The following PTPRC variants were observed in gnomAD, a reference collection of about 807,000 sequenced individuals.
PTPRC encodes the protein receptor-type tyrosine-protein phosphatase C.
In PTPRC, 44 loss-of-function variants were observed where a neutral mutation model predicts 155.9. That is an observed-to-expected ratio of 0.28 (90% CI 0.22 to 0.36). PTPRC has a LOEUF of 0.36. Among genes scored for constraint, PTPRC ranks in the 10% least tolerant of loss-of-function variants. The pLI is 1.00. For missense variants in PTPRC, 1,401 were observed against 1,564.6 expected, an observed-to-expected ratio of 0.90 and a Z score of 1.76; for synonymous variants, 525 against 533.1, an observed-to-expected ratio of 0.98 and a Z score of 0.21.
chr1:198,691,871 A>T (rs1665945485), intron 2 of PTPRC, among the ~76,000 whole-genome samples: 1 of 152,002 alleles, frequency 6.6e-6, no homozygotes, highest in African/African-American at 2.4e-5. Flanking sequence ...CACTGTATTG[A>T]TTGATTGTTT....
intron 29 of PTPRC, among the ~76,000 whole-genome samples, chr1:198,751,430 CA>C (rs1377534734): frequency 1.3e-5 from 2 of 151,908 alleles, no homozygotes; most frequent in East Asian, 3.9e-4. Context: ...TATAAGTATG[CA>C]AAAGATTTAT....
Position 198,728,431 on chromosome 1 carries a change from A to T in PTPRC, c.1812A>T (p.Leu604=), listed in dbSNP as rs1384817827. The change falls in exon 16 of 33, where the codon CTA becomes CTT. Residue 604 remains leucine, a synonymous_variant. Transcript: ENST00000442510. ...LLVVLYKIYD[L]HKKRSCNLDE... is the part of the protein sequence containing the mutation. ...TTGTTCTCTACAAAATCTATGATCT[A>T]CATAAGAAAAGATCCTGGTAAGAGT... is the stretch of plus-strand genomic sequence containing the variant. 4 of 1,612,382 alleles carry T rather than the reference A, an allele frequency of 2.5e-6. No homozygotes were observed. In the African/African-American group the frequency reaches 5.3e-5, roughly 22 times the overall value.
chr1:198,707,367 C>T (rs929171415), intron 9 of PTPRC, among the ~76,000 whole-genome samples: 25 of 151,902 alleles, frequency 1.6e-4, no homozygotes, highest in Non-Finnish European at 1.3e-4. Context: ...TGGGAAGAAC[C>T]AAAATACATT....
intron 8 of PTPRC, among the ~76,000 whole-genome samples, chr1:198,706,401 G>A (rs1290737381): frequency 6.6e-6 from 1 of 152,100 alleles, no homozygotes. Context: ...TAACTAGTGA[G>A]TTCCCATTAA....
intron 3 of PTPRC, among the ~76,000 whole-genome samples, chr1:198,695,482 C>CT (rs569207411): frequency 0.11 from 14,077 of 132,604 alleles, 839 homozygotes; most frequent in Middle Eastern, 0.15. Flanking sequence ...ATCACATGAG[C>CT]TTTTTTTTTT....
intron 2 of PTPRC, among the ~76,000 whole-genome samples, chr1:198,686,656 A>C (rs1470178915): frequency 6.6e-6 from 1 of 152,186 alleles, no homozygotes; most frequent in Non-Finnish European, 1.5e-5. Context: ...ACACTTTCCC[A>C]GTATTGTTCA....
rs370297409 is a variant in PTPRC at position 198,676,331 on chromosome 1, G to A, written c.74-16016G>A. 1.1e-4 allele frequency among the ~76,000 whole-genome samples: 16 copies of A among 152,260 alleles called. No individual in the cohort carries two copies. In the East Asian group the frequency reaches 2.1e-3, roughly 20 times the overall value. On this transcript the variant is annotated intron_variant, in intron 2 of 32. Transcript: ENST00000442510. The stretch of plus-strand genomic sequence containing the variant: ...ACAGGAGGAATAGTAAATTGAATAC[G>A]AACTTGAAAGAGACCATGTCTTTTT...
Position 198,716,714 on chromosome 1 carries a change from A to T in PTPRC, c.1324A>T (p.Ile442Phe). ...KDCLNLDKNL[I>F]KYDLQNLKPY... is the part of the protein sequence containing the mutation. ...TTGCCTCAATCTGGATAAAAACCTG[A>T]TCAAATATGATTTGCAAAATTTAAA... The change falls in exon 13 of 33, where the codon ATC becomes TTC. Residue 442 changes from isoleucine to phenylalanine, a missense_variant. Coordinates refer to ENST00000442510, the MANE Select transcript of PTPRC (RefSeq NM_002838.5). 1 of 1,612,216 alleles carries T rather than the reference A, an allele frequency of 6.2e-7. No homozygotes were observed. Among genetic ancestry groups the T allele is most frequent in the Non-Finnish European group, 8.5e-7 (1 of 1,179,788 alleles).
At position 198,751,312 on chromosome 1, in the gene PTPRC, C is replaced by A. The variant is rs10919567; in HGVS notation, c.3207+686C>A. ...CTTGTGACAGATATTTTATCCTTTT[C>A]TTAATGTCTTCAGTTATTATTAAAA... On this transcript the variant is annotated intron_variant, in intron 29 of 32. Transcript: ENST00000442510. Among the ~76,000 whole-genome samples the A allele has an allele frequency of 8.1e-3, 1,237 of 151,982 alleles. 19 individuals carry two copies. The highest frequency in any genetic ancestry group is 0.029 in the African/African-American group (1,193 of 41,506).
intron 11 of PTPRC, among the ~76,000 whole-genome samples, chr1:198,712,180 A>G (rs1239880482): frequency 6.6e-6 from 1 of 152,254 alleles, no homozygotes; most frequent in Non-Finnish European, 1.5e-5. Context: ...GACACATGCA[A>G]CTAAGTGAAT....
chr1:198,673,093 T>C (rs1055974423), intron 2 of PTPRC, among the ~76,000 whole-genome samples: 2 of 152,104 alleles, frequency 1.3e-5, no homozygotes, highest in Non-Finnish European at 2.9e-5. Context: ...TGGGCCACAT[T>C]GCTTTTTTTT....
chr1:198,731,622 G>T lies in PTPRC; in HGVS notation c.1870G>T (p.Glu624Ter). Residue 624 changes from glutamate to a stop codon, truncating the protein, a stop_gained, in exon 18 of 33, where the codon GAA becomes TAA. Coordinates refer to ENST00000442510, the MANE Select transcript of PTPRC (RefSeq NM_002838.5). LOFTEE classifies it high-confidence loss of function. ...AATCTTTAATATGTTTCCAGATGAT[G>T]AAAAACAACTGATGAATGTGGAGCC... ...EQQELVERDDEKQLMNVEPIH... is the reference protein window; with the variant it reads ...EQQELVERDD 1 of 1,604,618 alleles carries T rather than the reference G, an allele frequency of 6.2e-7. No individual in the cohort carries two copies. The highest frequency in any genetic ancestry group is 1.1e-5 in the South Asian group (1 of 90,888).
intron 5 of PTPRC, 196 bp downstream of exon 5, chr1:198,699,900 G>A: frequency 1.4e-6 from 1 of 700,518 alleles, no homozygotes; most frequent in Non-Finnish European, 2.4e-6. Context: ...ATAATAGTGA[G>A]AATTGTGAGA....
chr1:198,712,288 A>G (rs1233601035), intron 11 of PTPRC, among the ~76,000 whole-genome samples: 3 of 152,210 alleles, frequency 2.0e-5, no homozygotes, highest in African/African-American at 4.8e-5. Context: ...AAAAAGACAA[A>G]CTTAATCTGT....
Position 198,702,433 on chromosome 1 carries a change from A to G in PTPRC, c.486A>G (p.Pro162=). The part of the protein sequence containing the change: ...RSTASTFPTD[P]VSPLTTTLSL... The stretch of plus-strand genomic sequence containing the variant: ...CAGCCAGCACCTTTCCTACAGACCC[A>G]GTTTCCCCATTGACAACCACCCTCA... Residue 162 remains proline, a synonymous_variant, in exon 6 of 33, where the codon CCA becomes CCG. Coordinates refer to ENST00000442510, the MANE Select transcript of PTPRC (RefSeq NM_002838.5). 6.2e-7 allele frequency: 1 copy of G among 1,614,150 alleles called. No individual in the cohort carries two copies. The highest frequency in any genetic ancestry group is 8.5e-7 in the Non-Finnish European group (1 of 1,180,040).
intron 2 of PTPRC, among the ~76,000 whole-genome samples, chr1:198,654,414 A>G (rs568796865): frequency 6.6e-6 from 1 of 152,024 alleles, no homozygotes; most frequent in South Asian, 2.1e-4. Context: ...TCACTTTATA[A>G]TGAAAGGAGA....
intron 2 of PTPRC, among the ~76,000 whole-genome samples, chr1:198,678,058 TTATGAAA>T (rs769402383): frequency 2.4e-4 from 37 of 152,186 alleles, no homozygotes; most frequent in Non-Finnish European, 4.3e-4. Context: ...CAATACCATC[TTATGAAA>T]TGAGAAATTA....
chr1:198,680,920 A>G (rs1430136019), intron 2 of PTPRC, among the ~76,000 whole-genome samples: 7 of 152,152 alleles, frequency 4.6e-5, no homozygotes, highest in Non-Finnish European at 8.8e-5. Context: ...GAGTTTTTAC[A>G]CTGTTACTCT....
At chr1:198,749,946 T>C (rs1457755115) in intron 28 of PTPRC, among the ~76,000 whole-genome samples, 4 of 151,888 alleles carry the variant, frequency 2.6e-5, no homozygotes, top group Non-Finnish European at 5.9e-5. Flanking sequence ...AACTGAATTA[T>C]TAGGTGAGTC....
Sources: allele counts gnomAD v4.1 joint callset (sites outside exome capture counted in the v4.1 genomes callset), GRCh38; gene constraint gnomAD v4.1.1; transcripts MANE v1.5; gene names NCBI Gene and HGNC (gene_info 2026-07-23, HGNC 2026-07-21).